Variants in ERG observed in about 807,000 individuals in gnomAD.
ERG encodes ETS transcription factor ERG.
Under a neutral mutation model 55.3 loss-of-function variants are expected in ERG, and 9 were observed. That is an observed-to-expected ratio of 0.16 (90% CI 0.10 to 0.28). The LOEUF (loss-of-function observed/expected upper bound fraction) is 0.28, where lower values mean the gene tolerates loss of function less well. ERG is among the 10% of genes least tolerant of loss of function. ERG has a pLI of 1.00. For synonymous variants in ERG, 223 were observed against 237.3 expected (o/e 0.94, Z 0.55); for missense variants, 434 against 631.6 (o/e 0.69, Z 3.35).
chr21:38,525,934 T>C (rs1306301278), intron 2 of ERG, among the ~76,000 whole-genome samples: 3 of 152,212 alleles, frequency 2.0e-5, no homozygotes, highest in Non-Finnish European at 4.4e-5. Context: ...CGATTAACAG[T>C]GGTCCATTAA....
intron 1 of ERG, among the ~76,000 whole-genome samples, chr21:38,463,968 C>T (rs2059066338): frequency 6.6e-6 from 1 of 152,154 alleles, no homozygotes; most frequent in South Asian, 2.1e-4. Context: ...GTCCTGTCGT[C>T]TAAGCAGCAA....
chr21:38,640,954 C>T (rs1272139295), intron 1 of ERG, among the ~76,000 whole-genome samples: 1 of 152,178 alleles, frequency 6.6e-6, no homozygotes, highest in Non-Finnish European at 1.5e-5. Flanking sequence ...TATGTATTAG[C>T]ATGAGAAATA....
chr21:38,415,925 C>A lies in ERG; in HGVS notation c.388+7485G>T, dbSNP rs142316215. On this transcript the variant is annotated intron_variant, in intron 3 of 9. Coordinates refer to ENST00000288319, the MANE Select transcript of ERG (RefSeq NM_182918.4). The stretch of plus-strand genomic sequence containing the variant: ...AACACAAAAGACATGATCATCACCT[C>A]ACTAAACTTACAATCTAATAGAACA... Among the ~76,000 whole-genome samples, 16 of 152,332 alleles carry A rather than the reference C, an allele frequency of 1.1e-4. No individual in the cohort carries two copies. In the East Asian group the frequency reaches 2.3e-3, roughly 22 times the overall value.
chr21:38,390,065 T>C (rs1052848104), intron 9 of ERG, among the ~76,000 whole-genome samples: 1 of 152,232 alleles, frequency 6.6e-6, no homozygotes, highest in Non-Finnish European at 1.5e-5. Flanking sequence ...CTGTAACATC[T>C]TGGCATTTGA....
upstream of ERG, among the ~76,000 whole-genome samples, chr21:38,499,969 GA>G (rs562798726): frequency 2.6e-5 from 4 of 152,316 alleles, 1 homozygote; most frequent in East Asian, 7.7e-4. Flanking sequence ...CCTACATTAT[GA>G]GGGGGTGTTG....
At chr21:38,403,803 G>A in intron 3 of ERG, 94 bp from the exon 4 acceptor site, 2 of 1,223,032 alleles carry the variant, frequency 1.6e-6, no homozygotes, top group Non-Finnish European at 2.4e-6. Context: ...CTGACCAGCT[G>A]CCTTCCACAA....
chr21:38,656,889 T>C (rs374569294), intron 1 of ERG, among the ~76,000 whole-genome samples: 1,553 of 152,160 alleles, frequency 0.01, 10 homozygotes, highest in Admixed American at 0.019. Context: ...AGACAGCTTT[T>C]CCCCCCCGAG....
chr21:38,373,093 G>A, the ERG span, among the ~76,000 whole-genome samples: 3 of 152,114 alleles, frequency 2.0e-5, no homozygotes, highest in African/African-American at 4.8e-5. Context: ...TCAAGTAAAG[G>A]TACAGGGATC....
chr21:38,407,883 T>A (rs1325931763), intron 3 of ERG, among the ~76,000 whole-genome samples: 5 of 147,536 alleles, frequency 3.4e-5, no homozygotes, highest in Non-Finnish European at 6.0e-5. Context: ...ATAAAATATA[T>A]AATATATATA....
chr21:38,480,036 A>G (rs1452503270), intron 1 of ERG, among the ~76,000 whole-genome samples: 1 of 152,156 alleles, frequency 6.6e-6, no homozygotes, highest in Non-Finnish European at 1.5e-5. Context: ...CTACCTACAC[A>G]TAAGCACTGT....
At chr21:38,484,654 G>A (rs890374709) in intron 1 of ERG, among the ~76,000 whole-genome samples, 6 of 152,178 alleles carry the variant, frequency 3.9e-5, no homozygotes, top group Non-Finnish European at 5.9e-5. Context: ...GTCCTCAAAG[G>A]AATAGCATGA....
At position 38,624,685 on chromosome 21, in the gene ERG, A is replaced by G. The variant is rs545675665; in HGVS notation, c.-150+36973T>C. 2.0e-5 allele frequency among the ~76,000 whole-genome samples: 3 copies of G among 152,194 alleles called. No homozygotes were observed. In the South Asian group the frequency reaches 6.2e-4, roughly 32 times the overall value. On this transcript the variant is annotated intron_variant, in intron 1 of 10. Coordinates refer to the ERG transcript ENST00000398910. ...CTGGCTATATGACCTTGGACACTTA[A>G]CCTTCCTGTATCTCAATGTTCTTGT...
intron 1 of ERG, among the ~76,000 whole-genome samples, chr21:38,644,724 C>T (rs924201108): frequency 6.6e-6 from 1 of 152,074 alleles, no homozygotes; most frequent in Non-Finnish European, 1.5e-5. Flanking sequence ...AATTGCCATA[C>T]AAAAATCATA....
At chr21:38,551,191 T>A (rs1601229400) in intron 2 of ERG, among the ~76,000 whole-genome samples, 1 of 151,908 alleles carries the variant, frequency 6.6e-6, no homozygotes. Context: ...TCAGTGGTAA[T>A]GTCCCCTTTG....
intron 1 of ERG, among the ~76,000 whole-genome samples, chr21:38,616,717 G>A (rs2060261423): frequency 6.6e-6 from 1 of 152,114 alleles, no homozygotes; most frequent in Non-Finnish European, 1.5e-5. Context: ...TAAGAGGGAG[G>A]GAAGTCTACC....
chr21:38,400,547 A>G lies in ERG; in HGVS notation c.745+27T>C, dbSNP rs372881538. On this transcript the variant is annotated intron_variant, in intron 6 of 9. Transcript: ENST00000288319. Reference sequence around the variant, plus strand: ...GGACATCTGGGATGTCTCTCAATGAAGAGATCACACAGGGGTGTTTTCGTA... The same window carrying G: ...GGACATCTGGGATGTCTCTCAATGAGGAGATCACACAGGGGTGTTTTCGTA... 24 of 1,555,130 alleles carry G rather than the reference A, an allele frequency of 1.5e-5. No homozygotes were observed. In the African/African-American group the frequency reaches 3.0e-4, roughly 19 times the overall value.
chr21:38,482,042 T>C (rs983942905), intron 1 of ERG, among the ~76,000 whole-genome samples: 3 of 152,212 alleles, frequency 2.0e-5, no homozygotes, highest in African/African-American at 7.2e-5. Flanking sequence ...AAGTGTCATG[T>C]AGCAAAATGC....
chr21:38,378,158 T>G (rs975005570), downstream of ERG, among the ~76,000 whole-genome samples: 4 of 152,080 alleles, frequency 2.6e-5, no homozygotes, highest in African/African-American at 9.7e-5. Flanking sequence ...TGATCAAGAG[T>G]GAGGCCACTA....
chr21:38,567,765 A>G (rs1280072296), intron 2 of ERG, among the ~76,000 whole-genome samples: 1 of 152,206 alleles, frequency 6.6e-6, no homozygotes, highest in Non-Finnish European at 1.5e-5. Context: ...GATGGGATAA[A>G]TCATCACCAG....
Sources: gnomAD v4.1 joint callset for allele counts (sites outside exome capture counted in the v4.1 genomes callset) on GRCh38, gnomAD v4.1.1 for gene constraint, MANE v1.5 for transcripts, NCBI Gene and HGNC (gene_info 2026-07-23, HGNC 2026-07-21) for gene names.